Variants in MAP2 observed in about 807,000 individuals in gnomAD.
MAP2 encodes microtubule-associated protein 2.
MAP2 carries 14 observed loss-of-function variants against 137.6 expected under a neutral mutation model. The ratio of observed to expected loss-of-function variants is 0.10; its 90% CI spans 0.07 to 0.16. The LOEUF (loss-of-function observed/expected upper bound fraction) is 0.16. Ranked by LOEUF, MAP2 falls within the 10% of genes least tolerant of loss-of-function variation. The probability of loss-of-function intolerance (pLI) is 1.00; values close to 1 mark genes in which losing one functional copy is unlikely to be tolerated. For synonymous variants in MAP2, 786 were observed against 782.3 expected, an observed-to-expected ratio of 1.00 and a Z score of -0.08; for missense variants, 2,088 against 2,191.5, an observed-to-expected ratio of 0.95 and a Z score of 0.94.
intron 5 of MAP2, among the ~76,000 whole-genome samples, chr2:209,667,358 T>G (rs549653474): frequency 6.6e-6 from 1 of 151,982 alleles, no homozygotes; most frequent in African/African-American, 2.4e-5. Context: ...AACTACAAAC[T>G]CACATAAAAT....
At chr2:209,656,709 CT>C (rs1249462974) in intron 5 of MAP2, among the ~76,000 whole-genome samples, 7 of 151,308 alleles carry the variant, frequency 4.6e-5, no homozygotes, top group African/African-American at 1.7e-4. Context: ...CATCTAGCCA[CT>C]TAGGAAAGCT....
intron 2 of MAP2, among the ~76,000 whole-genome samples, chr2:209,554,817 G>A (rs1470473274): frequency 6.7e-6 from 1 of 150,366 alleles, no homozygotes; most frequent in Non-Finnish European, 1.5e-5. Flanking sequence ...ATTCATTTCG[G>A]TAGCAGGTAA....
rs3768818 is a variant in MAP2 at position 209,675,702 on chromosome 2, A to C, written c.263-2870A>C. Among the ~76,000 whole-genome samples, 801 of 151,948 alleles carry C rather than the reference A, an allele frequency of 5.3e-3. 36 individuals are homozygous for C. The East Asian group carries it at 0.12, about 22-fold the overall frequency. On this transcript the variant is annotated intron_variant, in intron 5 of 15. Coordinates refer to ENST00000682079, the MANE Select transcript of MAP2 (RefSeq NM_001375505.1). ...TGTATCCTAAGATACAATCCCAAAG[A>C]AAAATACTGAAATAATGTAGAGTTG... is the stretch of plus-strand genomic sequence containing the variant.
chr2:209,611,161 G>A (rs566149937), intron 3 of MAP2, among the ~76,000 whole-genome samples: 2 of 152,218 alleles, frequency 1.3e-5, no homozygotes, highest in Admixed American at 6.5e-5. Context: ...TATTATATAA[G>A]CTAATATCTT....
chr2:209,434,898 A>ATATATATATGTTATATATATGT (rs1258282212), intron 1 of MAP2, among the ~76,000 whole-genome samples: 1 of 136,466 alleles, frequency 7.3e-6, no homozygotes, highest in Non-Finnish European at 1.6e-5. Flanking sequence ...TATATATGTT[A>ATATATATATGTTATATATATGT]TATATATATG....
At chr2:209,621,419 C>T (rs1328668649) in intron 3 of MAP2, among the ~76,000 whole-genome samples, 1 of 151,220 alleles carries the variant, frequency 6.6e-6, no homozygotes, top group Non-Finnish European at 1.5e-5. Context: ...CCACCATGCC[C>T]AGCTAATTTT....
chr2:209,571,287 G>A (rs555237251), intron 2 of MAP2, among the ~76,000 whole-genome samples: 2 of 151,958 alleles, frequency 1.3e-5, no homozygotes, highest in East Asian at 1.9e-4. Flanking sequence ...TTAATAGAGT[G>A]CCCTCTACCC....
chr2:209,600,137 C>T (rs2082547962), intron 3 of MAP2, among the ~76,000 whole-genome samples: 1 of 152,080 alleles, frequency 6.6e-6, no homozygotes, highest in African/African-American at 2.4e-5. Context: ...TTACTCTGCC[C>T]CTTTGCTTCT....
In MAP2 at chr2:209,509,045, TAA is replaced by T. The variant is rs565747093; in HGVS notation, c.-172+1405_-172+1406del. Among the ~76,000 whole-genome samples, 295 of 152,080 alleles carry T rather than the reference TAA, an allele frequency of 1.9e-3. 1 individual carries two copies. Among genetic ancestry groups the T allele is most frequent in the African/African-American group, 6.7e-3 (279 of 41,574 alleles). ...CAGTAATATTTTCAATGCACAGAGT[TAA>T]GTTTTAATTATAAATAAATCTGTAT... On this transcript the variant is annotated intron_variant, in intron 2 of 15. Transcript: ENST00000682079.
chr2:209,647,002 T>C (rs1047667106), intron 4 of MAP2, among the ~76,000 whole-genome samples: 1 of 152,176 alleles, frequency 6.6e-6, no homozygotes, highest in Non-Finnish European at 1.5e-5. Flanking sequence ...ACAGGAAGCA[T>C]GATGCTGGCA....
intron 1 of MAP2, among the ~76,000 whole-genome samples, chr2:209,425,644 C>T (rs1692351975): frequency 6.6e-6 from 1 of 152,178 alleles, no homozygotes; most frequent in Non-Finnish European, 1.5e-5. Context: ...TTTGCAGCCA[C>T]AGTGAGGCGA....
At chr2:209,604,341 T>G (rs2083945922) in intron 3 of MAP2, among the ~76,000 whole-genome samples, 1 of 152,176 alleles carries the variant, frequency 6.6e-6, no homozygotes, top group Non-Finnish European at 1.5e-5. Flanking sequence ...TTTGGTAGTT[T>G]GGCTCTTTAG....
At chr2:209,491,568 G>C (rs1341266863) in intron 1 of MAP2, among the ~76,000 whole-genome samples, 1 of 152,018 alleles carries the variant, frequency 6.6e-6, no homozygotes, top group African/African-American at 2.4e-5. Context: ...CAATAAAGAA[G>C]AGAGAAGAAT....
chr2:209,582,657 TG>T (rs2076716317), intron 3 of MAP2, among the ~76,000 whole-genome samples: 1 of 149,632 alleles, frequency 6.7e-6, no homozygotes, highest in African/African-American at 2.5e-5. Flanking sequence ...GATAGATAGA[TG>T]ATAGATAGAT....
At position 209,733,303 on chromosome 2, in the gene MAP2, A is replaced by G. The variant is rs566028012; in HGVS notation, c.*2906A>G. On this transcript the variant is annotated 3_prime_UTR_variant, in exon 16 of 16. Coordinates refer to ENST00000682079, the MANE Select transcript of MAP2 (RefSeq NM_001375505.1). ...AAAGGCCACGTTCATTTAGGAACCA[A>G]CTCTCTCTGGATTTACCTGCTGAGT... 1 of 152,648 alleles carries G rather than the reference A, an allele frequency of 6.6e-6. No individual in the cohort carries two copies. The highest frequency in any genetic ancestry group is 2.4e-5 in the African/African-American group (1 of 41,516). The allele number at this position is 152,648 out of a possible 1,614,324, so 9.5% of individuals were successfully genotyped here. A position where few individuals can be genotyped will look rare whatever the true frequency, so the allele number is the denominator to read the frequency against.
intron 13 of MAP2, among the ~76,000 whole-genome samples, chr2:209,713,836 C>T (rs1329678101): frequency 2.6e-5 from 4 of 152,082 alleles, no homozygotes; most frequent in Admixed American, 2.6e-4. Context: ...ATGGAATGCT[C>T]CTATATGTTT....
rs556529501 is a variant in MAP2, at chr2:209,432,974, A to C, written c.-222+8698A>C. On this transcript the variant is annotated intron_variant, in intron 1 of 15. Coordinates refer to ENST00000682079, the MANE Select transcript of MAP2 (RefSeq NM_001375505.1). ...TGATGTTCTTACTTGGGAGGGATTC[A>C]CTGTCTCTGTCTCTTCTACTTGAAT... 1.1e-4 allele frequency among the ~76,000 whole-genome samples: 17 copies of C among 152,282 alleles called. No homozygotes were observed. The South Asian group carries it at 3.3e-3, about 30-fold the overall frequency.
At chr2:209,446,088 C>A (rs984191972) in intron 1 of MAP2, among the ~76,000 whole-genome samples, 1 of 151,720 alleles carries the variant, frequency 6.6e-6, no homozygotes, top group East Asian at 1.9e-4. Flanking sequence ...GTAATATGGT[C>A]ATAAGCTTGA....
intron 1 of MAP2, among the ~76,000 whole-genome samples, chr2:209,449,352 A>T (rs1699819391): frequency 6.6e-6 from 1 of 152,264 alleles, no homozygotes; most frequent in East Asian, 1.9e-4. Context: ...TTATTCCAGA[A>T]CTACAAAAAT....
Sources: gnomAD v4.1 joint callset for allele counts (sites outside exome capture counted in the v4.1 genomes callset) on GRCh38, gnomAD v4.1.1 for gene constraint, MANE v1.5 for transcripts, NCBI Gene and HGNC (gene_info 2026-07-23, HGNC 2026-07-21) for gene names.